POGK: variants seen among roughly 807,000 people sequenced by gnomAD.
The protein encoded by POGK is pogo transposable element with KRAB domain.
In POGK, 16 loss-of-function variants were observed where a neutral mutation model predicts 54.4. The ratio of observed to expected loss-of-function variants is 0.29; its 90% confidence interval spans 0.20 to 0.45. POGK has a LOEUF of 0.45. POGK is among the 20% of genes least tolerant of loss of function. The probability of loss-of-function intolerance (pLI) is 1.00; values close to 1 mark genes in which losing one functional copy is unlikely to be tolerated. For missense variants in POGK, 515 were observed against 795.6 expected, an observed-to-expected ratio of 0.65 and a Z score of 4.24; for synonymous variants, 271 against 302.2, an observed-to-expected ratio of 0.90 and a Z score of 1.07.
intron 3 of POGK, 53 bp downstream of exon 3, chr1:166,846,791 T>G (rs1365647920): frequency 3.1e-6 from 5 of 1,604,552 alleles, no homozygotes; most frequent in Non-Finnish European, 3.4e-6. Context: ...AGAGAATTGT[T>G]TCCATGCCTC....
intron 2 of POGK, among the ~76,000 whole-genome samples, chr1:166,842,786 G>A (rs2101748592): frequency 6.6e-6 from 1 of 152,174 alleles, no homozygotes; most frequent in South Asian, 2.1e-4. Context: ...GGCATCTAGT[G>A]GATAGAAGCC....
At position 166,841,137 on chromosome 1, in the gene POGK, G is replaced by C. The variant is rs767241959; in HGVS notation, c.132+49G>C. On this transcript the variant is annotated intron_variant, in intron 2 of 5. Coordinates refer to ENST00000367876, the MANE Select transcript of POGK (RefSeq NM_017542.5). The stretch of plus-strand genomic sequence containing the variant: ...ACACAGCCAGCAGATGCAGGCCTGA[G>C]AGCCCAGCTTGCTTTAAGTCTCCTC... 19 of 1,601,972 alleles carry C rather than the reference G, an allele frequency of 1.2e-5. No homozygotes were observed. In the South Asian group the frequency reaches 2.1e-4, roughly 18 times the overall value.
chr1:166,845,044 A>G (rs1448188091), intron 2 of POGK, among the ~76,000 whole-genome samples: 2 of 152,176 alleles, frequency 1.3e-5, no homozygotes, highest in Non-Finnish European at 2.9e-5. Flanking sequence ...AGTGGAGCAC[A>G]GAGCTGGGGA....
At chr1:166,842,096 C>G (rs1034641028) in intron 2 of POGK, among the ~76,000 whole-genome samples, 1 of 152,108 alleles carries the variant, frequency 6.6e-6, no homozygotes, top group Non-Finnish European at 1.5e-5. Flanking sequence ...GTTCTTTGCC[C>G]ACCACATCCT....
intron 2 of POGK, among the ~76,000 whole-genome samples, chr1:166,843,148 G>C (rs1409369011): frequency 2.6e-5 from 4 of 152,224 alleles, no homozygotes; most frequent in Admixed American, 6.5e-5. Flanking sequence ...GGGAAGGGAA[G>C]GGGGTTGCAT....
intron 3 of POGK, 92 bp from the exon 4 acceptor site, chr1:166,847,402 A>G (rs1657891525): frequency 4.4e-6 from 4 of 913,306 alleles, no homozygotes; most frequent in East Asian, 5.1e-5. Context: ...AAAGAAGGGG[A>G]GAGTGGCTCT....
intron 2 of POGK, among the ~76,000 whole-genome samples, chr1:166,845,216 G>A (rs569487809): frequency 6.6e-6 from 1 of 152,136 alleles, no homozygotes; most frequent in East Asian, 1.9e-4. Context: ...ATTAAGTAGG[G>A]GCATGGTGGC....
intron 2 of POGK, among the ~76,000 whole-genome samples, chr1:166,841,410 T>C (rs1571218972): frequency 6.6e-6 from 1 of 152,226 alleles, no homozygotes; most frequent in African/African-American, 2.4e-5. Context: ...TAAATGTTTG[T>C]TGACTTACTG....
At chr1:166,842,206 C>T (rs1175965218) in intron 2 of POGK, among the ~76,000 whole-genome samples, 3 of 152,124 alleles carry the variant, frequency 2.0e-5, no homozygotes, top group African/African-American at 7.2e-5. Context: ...ATTGGTCAAC[C>T]CAGAACATCT....
intron 2 of POGK, 38 bp from the exon 3 acceptor site, chr1:166,846,573 GC>G (rs1361712751): frequency 1.2e-6 from 2 of 1,613,188 alleles, no homozygotes; most frequent in Non-Finnish European, 1.7e-6. Context: ...GTCTGCATAT[GC>G]CTGTTTGTCA....
intron 2 of POGK, among the ~76,000 whole-genome samples, chr1:166,845,481 G>A (rs1657809661): frequency 6.6e-6 from 1 of 152,188 alleles, no homozygotes; most frequent in Admixed American, 6.5e-5. Flanking sequence ...TGGAGGTGGG[G>A]AGAGAACAAG....
Position 166,849,185 on chromosome 1 carries a change from A to G in POGK, c.606A>G (p.Ala202=), listed in dbSNP as rs77682365. ...FSRGMRRSYD[A]GFKLMVVEYA... ...GGGGCATGCGCCGCAGTTACGACGC[A>G]GGGTTCAAGCTGATGGTAGTGGAAT... The change falls in exon 5 of 6, where the codon GCA becomes GCG. Residue 202 remains alanine (A), a synonymous_variant. Transcript: ENST00000367876. The G allele has an allele frequency of 5.5e-5, 88 of 1,614,238 alleles. No homozygotes were observed. The African/African-American group carries it at 1.2e-3, about 21-fold the overall frequency.
In POGK at chr1:166,855,492, A is replaced by C. The variant is rs1658243398; in HGVS notation, c.*2922A>C. 2 of 152,198 alleles carry C rather than the reference A, an allele frequency of 1.3e-5. No individual in the cohort carries two copies. Among genetic ancestry groups the C allele is most frequent in the Non-Finnish European group, 2.9e-5 (2 of 68,034 alleles). The allele number at this position is 152,198 out of a possible 1,614,324, so 9.4% of individuals were successfully genotyped here. ...TTTCAGGGGCTCTTGTGAAAATGCTAAGTATTACTGTTTCTACCTTACTGC... is the reference window on the plus strand; with the variant it reads ...TTTCAGGGGCTCTTGTGAAAATGCTCAGTATTACTGTTTCTACCTTACTGC... On this transcript the variant is annotated 3_prime_UTR_variant, in exon 6 of 6. Coordinates refer to ENST00000367876, the MANE Select transcript of POGK (RefSeq NM_017542.5).
rs558022673 is a variant in POGK at position 166,854,613 on chromosome 1, A to G, written c.*2043A>G. 6.6e-6 allele frequency: 1 copy of G among 152,358 alleles called. No individual in the cohort carries two copies. The highest frequency in any genetic ancestry group is 2.4e-5 in the African/African-American group (1 of 41,594). The allele number at this position is 152,358 out of a possible 1,614,324, so 9.4% of individuals were successfully genotyped here. A position where few individuals can be genotyped will look rare whatever the true frequency, so the allele number is the denominator to read the frequency against. On this transcript the variant is annotated 3_prime_UTR_variant, in exon 6 of 6. Transcript: ENST00000367876. ...AAAAAGTGTTCATGAGATGCAGTGT[A>G]AGTAATATTGGTATCTGTGAAGACA...
At chr1:166,850,697 C>T (rs1658026772) in intron 5 of POGK, 1 of 337,728 alleles carries the variant, frequency 3.0e-6, no homozygotes, top group South Asian at 5.1e-5. Context: ...CTCATAGGAG[C>T]ACAAACCCTG....
At chr1:166,844,805 G>A (rs570466909) in intron 2 of POGK, among the ~76,000 whole-genome samples, 15 of 152,286 alleles carry the variant, frequency 9.8e-5, no homozygotes, top group Non-Finnish European at 2.1e-4. Flanking sequence ...TGTGATGAGT[G>A]CCCCGGGAGT....
intron 2 of POGK, among the ~76,000 whole-genome samples, chr1:166,841,953 T>C (rs1190875420): frequency 6.6e-6 from 1 of 152,018 alleles, no homozygotes; most frequent in Non-Finnish European, 1.5e-5. Flanking sequence ...TCTCCTGAGC[T>C]GCACCCTTAA....
At chr1:166,850,719 A>C (rs1658028675) in intron 5 of POGK, 3 of 243,606 alleles carry the variant, frequency 1.2e-5, no homozygotes, top group Non-Finnish European at 1.6e-5. Context: ...TGTGAACTGC[A>C]CATGTGAGGG....
intron 5 of POGK, 79 bp downstream of exon 5, chr1:166,850,502 CTGTTTT>C (rs1227891585): frequency 6.9e-7 from 1 of 1,453,292 alleles, no homozygotes; most frequent in Non-Finnish European, 9.1e-7. Context: ...CATTATTTTT[CTGTTTT>C]TAAGTTCCCT....
Sources: gnomAD v4.1 joint callset for allele counts (sites outside exome capture counted in the v4.1 genomes callset) on GRCh38, gnomAD v4.1.1 for gene constraint, MANE v1.5 for transcripts, NCBI Gene and HGNC (gene_info 2026-07-23, HGNC 2026-07-21) for gene names.